The following TRAPPC10 variants were observed in gnomAD, a reference collection of about 807,000 sequenced individuals.
TRAPPC10 encodes the protein trafficking protein particle complex subunit 10, also known as TRAPP 130 kDa subunit.
Under a neutral mutation model 125.5 loss-of-function variants are expected in TRAPPC10, and 23 were observed. The ratio of observed to expected loss-of-function variants is 0.18; its 90% CI spans 0.13 to 0.26. The LOEUF is 0.26. TRAPPC10 is among the 10% of genes least tolerant of loss of function. The pLI is 1.00. For synonymous variants in TRAPPC10, 509 were observed against 518.0 expected (o/e 0.98, Z 0.24); for missense variants, 1,123 against 1,308.4 (o/e 0.86, Z 2.19).
At chr21:44,039,058 G>A (rs895191926) in intron 3 of TRAPPC10, among the ~76,000 whole-genome samples, 1 of 152,190 alleles carries the variant, frequency 6.6e-6, no homozygotes, top group African/African-American at 2.4e-5. Context: ...TGTAATGTTC[G>A]ATTTGATCAC....
intron 13 of TRAPPC10, among the ~76,000 whole-genome samples, chr21:44,080,841 T>A (rs2037655896): frequency 6.6e-6 from 1 of 150,924 alleles, no homozygotes; most frequent in South Asian, 2.1e-4. Context: ...ACCCAGTCTT[T>A]TTCTTCATTT....
intron 20 of TRAPPC10, among the ~76,000 whole-genome samples, chr21:44,095,831 G>A (rs945330742): frequency 6.6e-6 from 1 of 152,142 alleles, no homozygotes; most frequent in Non-Finnish European, 1.5e-5. Context: ...GCCTCCCAGA[G>A]TGCTGGGATA....
chr21:44,074,591 A>T, intron 8 of TRAPPC10, 121 bp downstream of exon 8: 1 of 1,342,286 alleles, frequency 7.4e-7, no homozygotes, highest in South Asian at 1.4e-5. Context: ...CATCCACTTT[A>T]GTGGCCCTAG....
rs187068818 is a variant in TRAPPC10, at chr21:44,052,186, T to C, written c.286-94T>C. ...GAGCCTGTCCTGATGCTTTAAAACATTGCGGCCTTTGCAGGCTGTTATTAG... is the reference window on the plus strand; with the variant it reads ...GAGCCTGTCCTGATGCTTTAAAACACTGCGGCCTTTGCAGGCTGTTATTAG... On this transcript the variant is annotated intron_variant, in intron 3 of 22. Transcript: ENST00000291574. The C allele has an allele frequency of 9.8e-4, 1,060 of 1,081,342 alleles. 7 individuals carry two copies. In the African/African-American group the frequency reaches 0.015, roughly 15 times the overall value. The allele number at this position is 1,081,342 out of a possible 1,614,324, so 67.0% of individuals were successfully genotyped here. A position where few individuals can be genotyped will look rare whatever the true frequency, so the allele number is the denominator to read the frequency against.
At chr21:44,060,760 C>T (rs1202811678) in intron 6 of TRAPPC10, among the ~76,000 whole-genome samples, 1 of 151,572 alleles carries the variant, frequency 6.6e-6, no homozygotes, top group Non-Finnish European at 1.5e-5. Context: ...GCCACCATAC[C>T]TGGCTAATTT....
chr21:44,062,768 G>A (rs576068028), intron 6 of TRAPPC10: 2 of 985,450 alleles, frequency 2.0e-6, no homozygotes, highest in African/African-American at 3.5e-5. Context: ...CGGGTCTGAG[G>A]AGAAGCTCAC....
At chr21:44,066,616 A>G (rs930342185) in intron 7 of TRAPPC10, among the ~76,000 whole-genome samples, 1 of 152,204 alleles carries the variant, frequency 6.6e-6, no homozygotes, top group Non-Finnish European at 1.5e-5. Context: ...TACGAAGAAA[A>G]TGTCGTTGCT....
chr21:44,069,698 A>C (rs1343140901), intron 7 of TRAPPC10, among the ~76,000 whole-genome samples: 4 of 152,188 alleles, frequency 2.6e-5, no homozygotes, highest in African/African-American at 7.2e-5. Flanking sequence ...AAGTACACAG[A>C]GATACCTGTG....
chr21:44,033,165 T>C (rs1464790925), intron 2 of TRAPPC10, among the ~76,000 whole-genome samples: 1 of 152,254 alleles, frequency 6.6e-6, no homozygotes, highest in African/African-American at 2.4e-5. Context: ...TCTTGTAACA[T>C]AGGTAATCTG....
chr21:44,022,352 T>C (rs1331089425), intron 1 of TRAPPC10, among the ~76,000 whole-genome samples: 4 of 148,522 alleles, frequency 2.7e-5, no homozygotes, highest in African/African-American at 1.0e-4. Context: ...GGTGCGATCT[T>C]GGCTCACTGC....
At position 44,032,131 on chromosome 21, in the gene TRAPPC10, G is replaced by A. The variant is rs146758196; in HGVS notation, c.108G>A (p.Thr36=). ...ATTTATTTACCTCTGTTTATCCAACGCTCTCTCAGCAGCTTCCAAGAGAAC... is the reference window on the plus strand; with the variant it reads ...ATTTATTTACCTCTGTTTATCCAACACTCTCTCAGCAGCTTCCAAGAGAAC... ...DQNLFTSVYP[T]LSQQLPREPM... Residue 36 remains threonine (T), a synonymous_variant, in exon 2 of 23, where the codon ACG becomes ACA. Coordinates refer to ENST00000291574, the MANE Select transcript of TRAPPC10 (RefSeq NM_003274.5). 23 of 1,613,782 alleles carry A rather than the reference G, an allele frequency of 1.4e-5. No individual in the cohort carries two copies. Among genetic ancestry groups the A allele is most frequent in the African/African-American group, 5.3e-5 (4 of 74,892 alleles).
intron 7 of TRAPPC10, among the ~76,000 whole-genome samples, chr21:44,071,097 C>T (rs746197930): frequency 3.3e-5 from 5 of 152,164 alleles, no homozygotes; most frequent in African/African-American, 4.8e-5. Context: ...CTTAAAGATA[C>T]TGTGTGGAAT....
At chr21:44,021,254 A>C (rs1396841840) in intron 1 of TRAPPC10, among the ~76,000 whole-genome samples, 1 of 152,186 alleles carries the variant, frequency 6.6e-6, no homozygotes, top group Non-Finnish European at 1.5e-5. Flanking sequence ...GCAAACATTT[A>C]CGGAGGACCT....
intron 1 of TRAPPC10, among the ~76,000 whole-genome samples, chr21:44,022,450 A>AT (rs71197876): frequency 0.057 from 5,536 of 96,816 alleles, 241 homozygotes; most frequent in Admixed American, 0.093. Flanking sequence ...TGCCCAGCTA[A>AT]TTTTTTTTTT....
At chr21:44,047,565 T>TGTGC (rs954810521) in intron 3 of TRAPPC10, among the ~76,000 whole-genome samples, 143 of 147,202 alleles carry the variant, frequency 9.7e-4, no homozygotes, top group African/African-American at 2.0e-3. Flanking sequence ...TGTGTGTGTG[T>TGTGC]GCGCGCACAC....
At chr21:44,037,010 A>G (rs1231949141) in intron 2 of TRAPPC10, among the ~76,000 whole-genome samples, 1 of 152,218 alleles carries the variant, frequency 6.6e-6, no homozygotes, top group Non-Finnish European at 1.5e-5. Context: ...GAAAATGTAC[A>G]TATTTAAGCA....
intron 5 of TRAPPC10, among the ~76,000 whole-genome samples, chr21:44,056,408 C>G (rs754526004): frequency 6.6e-5 from 10 of 152,122 alleles, no homozygotes; most frequent in Non-Finnish European, 1.5e-4. Context: ...TGGGCTTGCA[C>G]AGTCTCACGG....
At chr21:44,039,958 C>T (rs1436639175) in intron 3 of TRAPPC10, among the ~76,000 whole-genome samples, 1 of 152,196 alleles carries the variant, frequency 6.6e-6, no homozygotes, top group Admixed American at 6.5e-5. Context: ...CTGCTCTCAC[C>T]AACATCAACA....
At chr21:44,051,399 A>C (rs2035224595) in intron 3 of TRAPPC10, among the ~76,000 whole-genome samples, 1 of 152,172 alleles carries the variant, frequency 6.6e-6, no homozygotes, top group Non-Finnish European at 1.5e-5. Flanking sequence ...CTTGGAAATG[A>C]ATTAAGTATC....
Sources: gnomAD v4.1 joint callset for allele counts (sites outside exome capture counted in the v4.1 genomes callset) on GRCh38, gnomAD v4.1.1 for gene constraint, MANE v1.5 for transcripts, NCBI Gene and HGNC (gene_info 2026-07-23, HGNC 2026-07-21) for gene names.